GPC6: variants seen among roughly 807,000 people sequenced by gnomAD.
The protein encoded by GPC6 is glypican 6.
In GPC6, 14 loss-of-function variants were observed where a neutral mutation model predicts 55.2. That is an observed-to-expected ratio of 0.25 (90% CI 0.17 to 0.40). GPC6 has a LOEUF of 0.40. Among genes scored for constraint, GPC6 ranks in the 10% least tolerant of loss-of-function variants. The pLI, the probability that GPC6 is intolerant of heterozygous loss-of-function variation, is 1.00. For missense variants in GPC6, 641 were observed against 708.5 expected (o/e 0.90, Z 1.08); for synonymous variants, 278 against 259.6 (o/e 1.07, Z -0.68).
At chr13:93,758,421 C>A (rs907727513) in intron 2 of GPC6, among the ~76,000 whole-genome samples, 1 of 152,086 alleles carries the variant, frequency 6.6e-6, no homozygotes, top group Non-Finnish European at 1.5e-5. Flanking sequence ...TACAGTCTTT[C>A]CTCTCTCTCC....
chr13:93,498,380 A>G (rs1880389610), intron 1 of GPC6, among the ~76,000 whole-genome samples: 1 of 152,206 alleles, frequency 6.6e-6, no homozygotes, highest in African/African-American at 2.4e-5. Flanking sequence ...CTGATTTCTT[A>G]CATATACCTA....
chr13:93,280,426 A>G (rs1423644715), intron 1 of GPC6, among the ~76,000 whole-genome samples: 2 of 152,238 alleles, frequency 1.3e-5, no homozygotes. Context: ...AAACTAAGCA[A>G]AGTAAAGAAT....
chr13:93,534,072 A>G (rs1359899846), intron 1 of GPC6, among the ~76,000 whole-genome samples: 1 of 152,138 alleles, frequency 6.6e-6, no homozygotes, highest in Non-Finnish European at 1.5e-5. Context: ...AGAAAACAGC[A>G]GTAGTATTCT....
At chr13:93,593,006 G>T (rs1877560392) in intron 2 of GPC6, among the ~76,000 whole-genome samples, 1 of 151,978 alleles carries the variant, frequency 6.6e-6, no homozygotes, top group African/African-American at 2.4e-5. Context: ...ATTTTTAAAA[G>T]AAGTGGATAA....
chr13:93,925,326 T>G (rs1877800168), intron 3 of GPC6, among the ~76,000 whole-genome samples: 1 of 152,198 alleles, frequency 6.6e-6, no homozygotes, highest in Non-Finnish European at 1.5e-5. Flanking sequence ...GATTTGAGAA[T>G]GACCTTTAAA....
intron 2 of GPC6, among the ~76,000 whole-genome samples, chr13:93,613,530 A>ACACACAC (rs1566450041): frequency 4.6e-4 from 64 of 140,000 alleles, no homozygotes; most frequent in African/African-American, 1.9e-3. Flanking sequence ...ACACACACAA[A>ACACACAC]ACACACACAC....
chr13:93,412,401 A>G (rs1876537867), intron 1 of GPC6, among the ~76,000 whole-genome samples: 1 of 152,168 alleles, frequency 6.6e-6, no homozygotes, highest in African/African-American at 2.4e-5. Flanking sequence ...CATGCCTGTA[A>G]TCCCAGCACT....
At chr13:94,104,762 A>G (rs1448112213) in intron 4 of GPC6, among the ~76,000 whole-genome samples, 2 of 152,088 alleles carry the variant, frequency 1.3e-5, no homozygotes, top group Admixed American at 6.6e-5. Flanking sequence ...CTTACAAGGG[A>G]TGTGAAGGAC....
At chr13:94,194,267 T>G (rs868703846) in intron 4 of GPC6, among the ~76,000 whole-genome samples, 4 of 152,228 alleles carry the variant, frequency 2.6e-5, no homozygotes, top group Admixed American at 6.5e-5. Flanking sequence ...TAGAAGTTTT[T>G]GGGGATAGGT....
chr13:93,447,801 G>C (rs961875742), intron 1 of GPC6, among the ~76,000 whole-genome samples: 1 of 152,118 alleles, frequency 6.6e-6, no homozygotes, highest in Non-Finnish European at 1.5e-5. Context: ...ATGCCTGTTT[G>C]TATAATAGCT....
At chr13:94,189,936 G>C (rs1453424469) in intron 4 of GPC6, among the ~76,000 whole-genome samples, 1 of 148,260 alleles carries the variant, frequency 6.7e-6, no homozygotes, top group East Asian at 2.0e-4. Flanking sequence ...CAGGAGAATC[G>C]CTTGAAACTG....
intron 6 of GPC6, among the ~76,000 whole-genome samples, chr13:94,309,037 G>T (rs1360369490): frequency 6.6e-6 from 1 of 152,170 alleles, no homozygotes; most frequent in Admixed American, 6.5e-5. Context: ...AGCCTATTTA[G>T]GCTGTTTATA....
At chr13:94,099,781 C>T (rs1885791211) in intron 4 of GPC6, among the ~76,000 whole-genome samples, 2 of 152,070 alleles carry the variant, frequency 1.3e-5, no homozygotes, top group East Asian at 1.9e-4. Context: ...TGTAAATTAT[C>T]AGGTGGCTTA....
At chr13:94,126,462 G>A (rs1490506892) in intron 4 of GPC6, among the ~76,000 whole-genome samples, 2 of 152,086 alleles carry the variant, frequency 1.3e-5, no homozygotes, top group Non-Finnish European at 2.9e-5. Flanking sequence ...AACAGTACAA[G>A]CCTTTGTAAA....
intron 4 of GPC6, among the ~76,000 whole-genome samples, chr13:94,253,921 T>C (rs1339701531): frequency 6.6e-6 from 1 of 152,174 alleles, no homozygotes; most frequent in Non-Finnish European, 1.5e-5. Flanking sequence ...AGGTCATTAA[T>C]TTGCACATTA....
intron 4 of GPC6, among the ~76,000 whole-genome samples, chr13:94,110,945 C>T (rs968870623): frequency 1.3e-5 from 2 of 152,048 alleles, no homozygotes; most frequent in Non-Finnish European, 2.9e-5. Context: ...CTGACTTGTT[C>T]TCTGGAGCAG....
At chr13:93,449,694 G>C (rs1878149053) in intron 1 of GPC6, among the ~76,000 whole-genome samples, 1 of 152,000 alleles carries the variant, frequency 6.6e-6, no homozygotes, top group Admixed American at 6.5e-5. Context: ...CAGGCGTGGT[G>C]GTGGGCACCT....
intron 2 of GPC6, among the ~76,000 whole-genome samples, chr13:93,580,337 A>G (rs1876877257): frequency 6.6e-6 from 1 of 152,252 alleles, no homozygotes; most frequent in African/African-American, 2.4e-5. Context: ...AGGATTTTAC[A>G]TATGAGTTAT....
At chr13:93,947,402 T>C (rs761616014) in intron 3 of GPC6, among the ~76,000 whole-genome samples, 7 of 152,208 alleles carry the variant, frequency 4.6e-5, no homozygotes, top group Non-Finnish European at 7.3e-5. Flanking sequence ...AATGGTAATA[T>C]TTCATTGACT....
Sources: allele counts gnomAD v4.1 joint callset (sites outside exome capture counted in the v4.1 genomes callset), GRCh38; gene constraint gnomAD v4.1.1; transcripts MANE v1.5; gene names NCBI Gene and HGNC (gene_info 2026-07-23, HGNC 2026-07-21).